RBFOX1: variants seen among roughly 807,000 people sequenced by gnomAD.
RBFOX1 encodes the protein RNA binding fox-1 homolog 1.
RBFOX1 carries 8 observed loss-of-function variants against 57.7 expected under a neutral mutation model. That is an observed-to-expected ratio of 0.14 (90% CI 0.08 to 0.25). RBFOX1 has a LOEUF of 0.25. Ranked by LOEUF, RBFOX1 falls within the 10% of genes least tolerant of loss-of-function variation. The pLI is 1.00. For missense variants in RBFOX1, 611 were observed against 548.5 expected (o/e 1.11, Z -1.14); for synonymous variants, 326 against 222.4 (o/e 1.47, Z -4.15).
At chr16:6,118,335 T>C (rs966814096) in intron 1 of RBFOX1, among the ~76,000 whole-genome samples, 9 of 152,164 alleles carry the variant, frequency 5.9e-5, no homozygotes, top group Non-Finnish European at 7.3e-5. Context: ...ATACCTTACA[T>C]TGGGTAGATT....
intron 1 of RBFOX1, among the ~76,000 whole-genome samples, chr16:5,419,454 C>G (rs758243487): frequency 6.6e-6 from 1 of 152,016 alleles, no homozygotes; most frequent in African/African-American, 2.4e-5. Context: ...AGCTGATTAG[C>G]TGGTGCCCAC....
At chr16:7,032,519 C>T (rs528708908) in intron 3 of RBFOX1, among the ~76,000 whole-genome samples, 1 of 152,210 alleles carries the variant, frequency 6.6e-6, no homozygotes, top group East Asian at 1.9e-4. Flanking sequence ...AACCTATGGT[C>T]ATGAGCAAAT....
At chr16:5,709,045 A>G (rs573758959) in intron 3 of RBFOX1, among the ~76,000 whole-genome samples, 44 of 152,306 alleles carry the variant, frequency 2.9e-4, no homozygotes, top group African/African-American at 1.0e-3. Context: ...CAGGATTTCG[A>G]TATTCAACCC....
intron 4 of RBFOX1, among the ~76,000 whole-genome samples, chr16:5,974,060 T>G (rs2060013773): frequency 6.6e-6 from 1 of 152,218 alleles, no homozygotes; most frequent in Non-Finnish European, 1.5e-5. Context: ...CATGGAAGGA[T>G]TATAATGCAT....
intron 3 of RBFOX1, among the ~76,000 whole-genome samples, chr16:6,781,726 C>G (rs2081052930): frequency 6.6e-6 from 1 of 152,004 alleles, no homozygotes; most frequent in Non-Finnish European, 1.5e-5. Flanking sequence ...GATAAAAATA[C>G]TCTCTAATTT....
intron 2 of RBFOX1, among the ~76,000 whole-genome samples, chr16:6,568,831 C>G (rs571863624): frequency 6.6e-6 from 1 of 152,046 alleles, no homozygotes; most frequent in Non-Finnish European, 1.5e-5. Context: ...TGCAGTGGCG[C>G]GATCTCGGCT....
intron 3 of RBFOX1, among the ~76,000 whole-genome samples, chr16:5,827,527 G>A (rs1193598646): frequency 3.3e-5 from 5 of 151,624 alleles, no homozygotes; most frequent in Non-Finnish European, 7.4e-5. Flanking sequence ...TCAAGACTCC[G>A]CAAGATTTTT....
chr16:6,192,315 G>A (rs1033678639), intron 1 of RBFOX1, among the ~76,000 whole-genome samples: 7 of 152,078 alleles, frequency 4.6e-5, no homozygotes. Flanking sequence ...TTGGTAGCTC[G>A]CTAATGAGTA....
chr16:7,026,734 C>T (rs1247216957), intron 3 of RBFOX1, among the ~76,000 whole-genome samples: 1 of 152,172 alleles, frequency 6.6e-6, no homozygotes, highest in East Asian at 1.9e-4. Flanking sequence ...TCCATACCTC[C>T]CCTACCCAAT....
intron 2 of RBFOX1, among the ~76,000 whole-genome samples, chr16:6,351,802 A>G (rs990484229): frequency 6.6e-6 from 1 of 152,204 alleles, no homozygotes; most frequent in African/African-American, 2.4e-5. Flanking sequence ...AAGGCAAAAT[A>G]AGGATATTAG....
In RBFOX1 at chr16:5,283,208, A is replaced by G. The variant is rs188789186; in HGVS notation, c.219+43103A>G. ...TGCCTAGATTTCAGAAGATGTATGG[A>G]AATGCCTAGATGTCCAGGCAGCAGT... On this transcript the variant is annotated intron_variant, in intron 1 of 2. Transcript: ENST00000585867. Among the ~76,000 whole-genome samples, 255 of 152,328 alleles carry G rather than the reference A, an allele frequency of 1.7e-3. 1 individual carries two copies. Among genetic ancestry groups the G allele is most frequent in the Admixed American group, 3.7e-3 (57 of 15,312 alleles).
At chr16:5,868,590 G>A (rs1393569452) in intron 4 of RBFOX1, among the ~76,000 whole-genome samples, 2 of 152,140 alleles carry the variant, frequency 1.3e-5, no homozygotes, top group African/African-American at 2.4e-5. Context: ...CGGCATCCTC[G>A]GATACAGTAA....
At chr16:7,226,140 C>T (rs1189120884) in intron 4 of RBFOX1, among the ~76,000 whole-genome samples, 2 of 152,066 alleles carry the variant, frequency 1.3e-5, no homozygotes, top group Non-Finnish European at 2.9e-5. Context: ...AGAAAAAGAG[C>T]ACCTCCTTTA....
chr16:5,835,867 C>G (rs928560640), intron 3 of RBFOX1, among the ~76,000 whole-genome samples: 1 of 152,294 alleles, frequency 6.6e-6, no homozygotes, highest in East Asian at 1.9e-4. Flanking sequence ...TCCCATCCCT[C>G]CCAGAGCACA....
At chr16:5,921,454 C>T (rs973196068) in intron 4 of RBFOX1, among the ~76,000 whole-genome samples, 6 of 152,038 alleles carry the variant, frequency 3.9e-5, no homozygotes, top group African/African-American at 1.4e-4. Flanking sequence ...AGCATTCAGG[C>T]AGGAAAAGAA....
At chr16:5,588,997 C>T (rs1188452986) in intron 2 of RBFOX1, among the ~76,000 whole-genome samples, 4 of 152,138 alleles carry the variant, frequency 2.6e-5, no homozygotes, top group African/African-American at 7.2e-5. Context: ...CTCATAGGAG[C>T]AGTTTGTTAA....
At chr16:5,546,001 A>G (rs191714836) in intron 2 of RBFOX1, among the ~76,000 whole-genome samples, 5 of 152,320 alleles carry the variant, frequency 3.3e-5, no homozygotes, top group East Asian at 3.9e-4. Context: ...ATAATTATAC[A>G]AAAAGCCATT....
intron 4 of RBFOX1, among the ~76,000 whole-genome samples, chr16:7,359,725 C>T (rs1480540693): frequency 1.3e-5 from 2 of 152,154 alleles, no homozygotes; most frequent in Non-Finnish European, 2.9e-5. Context: ...TGGCTTACCC[C>T]TGTAATCCCA....
intron 4 of RBFOX1, among the ~76,000 whole-genome samples, chr16:7,168,979 A>G (rs2080135462): frequency 6.6e-6 from 1 of 152,186 alleles, no homozygotes; most frequent in Non-Finnish European, 1.5e-5. Context: ...TAATTCTGAT[A>G]CTCTAATTAA....
Sources: gnomAD v4.1 joint callset for allele counts (sites outside exome capture counted in the v4.1 genomes callset) on GRCh38, gnomAD v4.1.1 for gene constraint, MANE v1.5 for transcripts, NCBI Gene and HGNC (gene_info 2026-07-23, HGNC 2026-07-21) for gene names.